PPT1: variants seen among roughly 807,000 people sequenced by gnomAD.
The protein encoded by PPT1 is ceroid-palmitoyl-palmitoyl-protein thioesterase 1.
PPT1 carries 24 observed loss-of-function variants against 44.0 expected under a neutral mutation model. The ratio of observed to expected loss-of-function variants is 0.54; its 90% CI spans 0.39 to 0.77. PPT1 has a LOEUF of 0.77. PPT1 is among the 30% of genes least tolerant of loss of function. PPT1 has a pLI of 0.00. For missense variants in PPT1, 341 were observed against 378.8 expected (o/e 0.90, Z 0.83); for synonymous variants, 148 against 140.2 (o/e 1.06, Z -0.39).
At chr1:40,095,844 G>A (rs114563178) in intron 1 of PPT1, among the ~76,000 whole-genome samples, 3,340 of 152,196 alleles carry the variant, frequency 0.022, 120 homozygotes, top group African/African-American at 0.077. Flanking sequence ...CAACTAAAGT[G>A]ATTCTTTAAA....
chr1:40,090,309 G>A (rs141770541), intron 4 of PPT1, among the ~76,000 whole-genome samples: 1 of 152,242 alleles, frequency 6.6e-6, no homozygotes, highest in Non-Finnish European at 1.5e-5. Context: ...ACACCACCAT[G>A]TGCCCAGCTA....
chr1:40,089,340 G>T, intron 5 of PPT1, 70 bp downstream of exon 5: 2 of 1,069,476 alleles, frequency 1.9e-6, no homozygotes, highest in Non-Finnish European at 2.9e-6. Context: ...GAATCACTGT[G>T]AGCATGAAAG....
chr1:40,091,616 C>T (rs941701720), intron 3 of PPT1, among the ~76,000 whole-genome samples: 9 of 152,096 alleles, frequency 5.9e-5, no homozygotes, highest in African/African-American at 1.9e-4. Flanking sequence ...GTAATCTCAG[C>T]ACTTTGGGAG....
intron 5 of PPT1, 49 bp downstream of exon 5, chr1:40,089,361 A>G: frequency 6.9e-7 from 1 of 1,456,448 alleles, no homozygotes; most frequent in Admixed American, 1.7e-5. Flanking sequence ...TCAGCATGAT[A>G]TTTTCACACG....
intron 8 of PPT1, 173 bp downstream of exon 8, chr1:40,076,669 A>G (rs1383458027): frequency 1.4e-6 from 2 of 1,461,682 alleles, no homozygotes; most frequent in African/African-American, 2.9e-5. Context: ...GCTAGAGCAC[A>G]TAATCAAGAG....
At chr1:40,082,230 A>G (rs1212781483) in intron 5 of PPT1, 1 of 152,164 alleles carries the variant, frequency 6.6e-6, no homozygotes, top group African/African-American at 2.4e-5. Context: ...GTGGTCCTGA[A>G]AACGCCACTC....
In PPT1 at chr1:40,097,151, G is replaced by A; in HGVS notation, c.88C>T (p.Pro30Ser). ...CAGATCACCAACGGCAGCGGCGCCG[G>A]CGGGTCCAGATGCTGCAGCGCCCGA... Reference protein sequence around the residue: ...ASRALQHLDPPAPLPLVIWHG... With the variant: ...ASRALQHLDPSAPLPLVIWHG... Residue 30 changes from proline (P) to serine (S), a missense_variant, in exon 1 of 9, where the codon CCG (proline) becomes TCG (serine). Pro to Ser is a moderately conservative substitution (Grantham distance 74, BLOSUM62 -1). Coordinates refer to ENST00000642050, the MANE Select transcript of PPT1 (RefSeq NM_000310.4). 1 of 1,614,144 alleles carries A rather than the reference G, an allele frequency of 6.2e-7. No individual in the cohort carries two copies. Among genetic ancestry groups the A allele is most frequent in the Non-Finnish European group, 8.5e-7 (1 of 1,179,996 alleles).
intron 4 of PPT1, 110 bp downstream of exon 4, chr1:40,091,219 T>C: frequency 8.8e-7 from 1 of 1,137,718 alleles, no homozygotes; most frequent in Non-Finnish European, 1.3e-6. Flanking sequence ...AAACAGGATT[T>C]TGCAAGAATG....
chr1:40,085,850 T>C (rs939322766), intron 5 of PPT1, among the ~76,000 whole-genome samples: 2 of 152,234 alleles, frequency 1.3e-5, no homozygotes, highest in Non-Finnish European at 2.9e-5. Context: ...TGTGGTGGTC[T>C]AGAACCAAAT....
chr1:40,074,187 C>A lies in PPT1; in HGVS notation c.799-4G>T. ...TTTCCTTTAGCCCCAGGCGGTCCTG[C>A]AGAAGGAAAGGCCATAATTAATTAA... On this transcript the variant is annotated splice_polypyrimidine_tract_variant and splice_region_variant and intron_variant, in intron 8 of 8. Transcript: ENST00000642050. 6.2e-7 allele frequency: 1 copy of A among 1,614,072 alleles called. No individual in the cohort carries two copies. Among genetic ancestry groups the A allele is most frequent in the Non-Finnish European group, 8.5e-7 (1 of 1,180,012 alleles).
Position 40,097,172 on chromosome 1 carries a change from C to G in PPT1, c.67G>C (p.Ala23Pro), listed in dbSNP as rs749769486. 1.9e-6 allele frequency: 3 copies of G among 1,614,136 alleles called. No homozygotes were observed. The highest frequency in any genetic ancestry group is 2.5e-6 in the Non-Finnish European group (3 of 1,179,982). ...GCCGGCGGGTCCAGATGCTGCAGCG[C>G]CCGAGAAGCGCAGGTCCATGGCAGG... ...ALLPWTCASR[A>P]LQHLDPPAPL... The change falls in exon 1 of 9, where the codon GCG (alanine) becomes CCG (proline). Residue 23 changes from alanine to proline, a missense_variant. Physicochemically the swap from Ala to Pro is conservative, Grantham distance 27. Coordinates refer to ENST00000642050, the MANE Select transcript of PPT1 (RefSeq NM_000310.4).
At chr1:40,095,895 C>T (rs1649816292) in intron 1 of PPT1, among the ~76,000 whole-genome samples, 1 of 152,282 alleles carries the variant, frequency 6.6e-6, no homozygotes, top group South Asian at 2.1e-4. Flanking sequence ...AAAAAGTTCC[C>T]CATGACACTC....
At position 40,076,932 on chromosome 1, in the gene PPT1, AAAG is replaced by A. The variant is rs1460770388; in HGVS notation, c.727-22_727-20del. ...CAAACCACTGCAGAAGAAGCAAAGG[AAAG>A]AAGCTCAGATATGACACACAGCACA... is the stretch of plus-strand genomic sequence containing the variant. On this transcript the variant is annotated intron_variant, in intron 7 of 8. Coordinates refer to ENST00000642050, the MANE Select transcript of PPT1 (RefSeq NM_000310.4). The A allele has an allele frequency of 6.2e-7, 1 of 1,614,028 alleles. No individual in the cohort carries two copies.
intron 5 of PPT1, among the ~76,000 whole-genome samples, chr1:40,085,976 G>T (rs1245542479): frequency 2.0e-5 from 3 of 152,168 alleles, no homozygotes; most frequent in Non-Finnish European, 4.4e-5. Context: ...AGAAAACCAA[G>T]TTGCAAGTTC....
intron 5 of PPT1, among the ~76,000 whole-genome samples, 178 bp downstream of exon 5, chr1:40,089,232 G>A (rs1570466843): frequency 1.5e-5 from 2 of 136,812 alleles, no homozygotes; most frequent in African/African-American, 2.7e-5. Context: ...GTTGCAGTGA[G>A]ACAAAATCAC....
At chr1:40,092,596 G>T in intron 1 of PPT1, 89 bp from the exon 2 acceptor site, 2 of 1,036,180 alleles carry the variant, frequency 1.9e-6, no homozygotes, top group African/African-American at 1.6e-5. Flanking sequence ...GCATTATCAA[G>T]GATGTGAAAA....
At chr1:40,091,885 A>C (rs568548590) in intron 3 of PPT1, among the ~76,000 whole-genome samples, 160 bp downstream of exon 3, 10 of 152,140 alleles carry the variant, frequency 6.6e-5, no homozygotes, top group Non-Finnish European at 2.9e-5. Flanking sequence ...AAAAAAAGAA[A>C]AGAAATTAAG....
At chr1:40,091,700 C>T (rs1018318512) in intron 3 of PPT1, among the ~76,000 whole-genome samples, 5 of 151,900 alleles carry the variant, frequency 3.3e-5, no homozygotes, top group African/African-American at 9.7e-5. Context: ...CCCATCTCTA[C>T]TAAAAATACA....
rs77927623 is a variant in PPT1 at position 40,091,904 on chromosome 1, A to C, written c.362+141T>G. On this transcript the variant is annotated intron_variant, in intron 3 of 8. Coordinates refer to ENST00000642050, the MANE Select transcript of PPT1 (RefSeq NM_000310.4). ...AAAGAAAAGAAATTAAGTTCCATAA[A>C]GCTTCTTACACAGGAACATTTTAGG... The C allele has an allele frequency of 9.5e-3, 10,295 of 1,081,896 alleles. 120 individuals carry two copies. The highest frequency in any genetic ancestry group is 8.8e-3 in the Non-Finnish European group (6,634 of 752,120). The allele number at this position is 1,081,896 out of a possible 1,614,324, so 67.0% of individuals were successfully genotyped here.
Sources: allele counts gnomAD v4.1 joint callset (sites outside exome capture counted in the v4.1 genomes callset), GRCh38; gene constraint gnomAD v4.1.1; transcripts MANE v1.5; gene names NCBI Gene and HGNC (gene_info 2026-07-23, HGNC 2026-07-21).